Variants in STK25 observed in about 807,000 individuals in gnomAD.
STK25 encodes the protein serine/threonine-protein kinase 25.
A neutral mutation model predicts 53.8 loss-of-function variants in STK25; 29 were observed. That is an observed-to-expected ratio of 0.54 (90% CI 0.40 to 0.74). The LOEUF (loss-of-function observed/expected upper bound fraction) is 0.74, where lower values mean the gene tolerates loss of function less well. Among genes scored for constraint, STK25 ranks in the 30% least tolerant of loss-of-function variants. The pLI, the probability that STK25 is intolerant of heterozygous loss-of-function variation, is 0.00. For missense variants in STK25, 420 were observed against 568.0 expected (o/e 0.74, Z 2.65); for synonymous variants, 247 against 238.3 (o/e 1.04, Z -0.33).
Position 241,498,724 on chromosome 2 carries a change from A to C in STK25, c.832T>G (p.Ser278Ala). 4 of 1,614,102 alleles carry C rather than the reference A, an allele frequency of 2.5e-6. No homozygotes were observed. Among genetic ancestry groups the C allele is most frequent in the Non-Finnish European group, 3.4e-6 (4 of 1,180,020 alleles). ...KFITRYTKKT[S>A]FLTELIDRYK... ...CGGTCGATGAGCTCCGTGAGGAAGG[A>C]GGTCTTCTTGGTGTAGCGTGTGATG... Residue 278 changes from serine (S) to alanine (A), a missense_variant, in exon 8 of 12, where the codon TCC becomes GCC. Transcript: ENST00000316586.
rs747615211 is a variant in STK25, at chr2:241,501,423, T to C, written c.261+55A>G. The C allele has an allele frequency of 4.4e-5, 69 of 1,552,190 alleles. 1 individual carries two copies. The East Asian group carries it at 1.5e-3, about 34-fold the overall frequency. The stretch of plus-strand genomic sequence containing the variant: ...GGCATGTCACTCAGTCCCTCTGACA[T>C]GGAAGAGAGCCGGGCACAGCACCAG... On this transcript the variant is annotated intron_variant, in intron 3 of 11. Coordinates refer to ENST00000316586, the MANE Select transcript of STK25 (RefSeq NM_001271977.2). The surrounding 1 kb of genome is among the most constrained non-coding windows in gnomAD (Gnocchi z 5.3).
chr2:241,504,774 T>C (rs896461201), intron 2 of STK25, among the ~76,000 whole-genome samples: 5 of 152,048 alleles, frequency 3.3e-5, no homozygotes, highest in African/African-American at 1.2e-4. Flanking sequence ...AAGCAGTCAG[T>C]GTTAAAATAT....
At chr2:241,498,100 C>T (rs1490439361) in intron 9 of STK25, 135 bp downstream of exon 9, 1 of 829,334 alleles carries the variant, frequency 1.2e-6, no homozygotes, top group African/African-American at 1.7e-5. Context: ...CCACAGTGGG[C>T]TTCAGACCAC....
At chr2:241,499,549 C>G (rs1299784342) in intron 5 of STK25, 135 bp from the exon 6 acceptor site, 2 of 1,212,728 alleles carry the variant, frequency 1.6e-6, no homozygotes, top group Non-Finnish European at 2.2e-6. Flanking sequence ...CTCAGCCCTC[C>G]TTGCCACTCT....
chr2:241,504,907 A>C (rs1574962178), intron 2 of STK25, among the ~76,000 whole-genome samples: 1 of 148,632 alleles, frequency 6.7e-6, no homozygotes. Context: ...GTTAAGAAGC[A>C]GCCCCTCTTC....
intron 2 of STK25, among the ~76,000 whole-genome samples, chr2:241,505,545 T>TACTCCCTGCTCC (rs1408117228): frequency 2.0e-5 from 3 of 152,192 alleles, no homozygotes; most frequent in Non-Finnish European, 4.4e-5. Flanking sequence ...CGCCCTGCTC[T>TACTCCCTGCTCC]ACTCCCTGCT....
At position 241,496,371 on chromosome 2, in the gene STK25, C is replaced by G. The variant is rs760060246; in HGVS notation, c.1241+27G>C. On this transcript the variant is annotated intron_variant, in intron 11 of 11. Transcript: ENST00000316586. The surrounding 1 kb of genome is among the most constrained non-coding windows in gnomAD (Gnocchi z 5.8). ...CAGCTTCTTGGTGGGGGTGCTCTCC[C>G]CGACCCTATGGCACGGCCGCCCTCA... is the stretch of plus-strand genomic sequence containing the variant. The G allele has an allele frequency of 6.2e-7, 1 of 1,603,966 alleles. No individual in the cohort carries two copies. The highest frequency in any genetic ancestry group is 1.3e-5 in the African/African-American group (1 of 74,712).
chr2:241,503,625 A>G (rs371833568), intron 2 of STK25, among the ~76,000 whole-genome samples: 1 of 150,228 alleles, frequency 6.7e-6, no homozygotes, highest in Admixed American at 6.6e-5. Context: ...AGGCAGGATA[A>G]TATCATGAAC....
intron 9 of STK25, 63 bp from the exon 10 acceptor site, chr2:241,497,750 T>C: frequency 6.8e-7 from 1 of 1,480,468 alleles, no homozygotes; most frequent in South Asian, 1.1e-5. Flanking sequence ...GGCACTCCCA[T>C]CCCTGCCCAG....
In STK25 at chr2:241,498,325, C is replaced by T. The variant is rs1461796408; in HGVS notation, c.942G>A (p.Glu314=). The T allele has an allele frequency of 6.2e-7, 1 of 1,600,078 alleles. No homozygotes were observed. The highest frequency in any genetic ancestry group is 8.5e-7 in the Non-Finnish European group (1 of 1,170,478). ...SDIDGEAEDG[E]QGPIWTFPPT... Reference sequence around the variant, plus strand: ...GGGGGAACGTCCAGATGGGGCCCTGCTCCCCGTCCTCCGCCTCGCCATCAC... The same window carrying T: ...GGGGGAACGTCCAGATGGGGCCCTGTTCCCCGTCCTCCGCCTCGCCATCAC... Residue 314 remains glutamate (E), a synonymous_variant, in exon 9 of 12, where the codon GAG becomes GAA. Transcript: ENST00000316586.
intron 11 of STK25, among the ~76,000 whole-genome samples, 168 bp from the exon 12 acceptor site, chr2:241,495,869 G>C (rs1043133181): frequency 1.3e-5 from 2 of 152,228 alleles, no homozygotes; most frequent in Non-Finnish European, 2.9e-5. Flanking sequence ...GACTGGCCCA[G>C]ACCCCACCCC....
At chr2:241,506,544 G>A (rs1559845185) in intron 2 of STK25, among the ~76,000 whole-genome samples, 1 of 152,192 alleles carries the variant, frequency 6.6e-6, no homozygotes, top group Non-Finnish European at 1.5e-5. Context: ...AGGGCAAGCA[G>A]ATCACCTGAG....
upstream of STK25, chr2:241,508,606 G>C (rs568990772): frequency 4.1e-6 from 4 of 987,104 alleles, no homozygotes; most frequent in African/African-American, 7.0e-5. Flanking sequence ...GGCGAGGGCG[G>C]TGCTCGGCGT....
At chr2:241,498,617 T>C (rs748249114) in intron 8 of STK25, 22 bp downstream of exon 8, 1 of 1,603,512 alleles carries the variant, frequency 6.2e-7, no homozygotes, top group Non-Finnish European at 8.5e-7. Context: ...AGGGTCACCA[T>C]GAGGATAAAC....
At chr2:241,503,262 A>G (rs1323650362) in intron 2 of STK25, among the ~76,000 whole-genome samples, 2 of 151,616 alleles carry the variant, frequency 1.3e-5, no homozygotes, top group Non-Finnish European at 2.9e-5. Context: ...ATAAGGTTTC[A>G]CCATGTTGGC....
chr2:241,505,810 C>T (rs561026870), intron 2 of STK25, among the ~76,000 whole-genome samples: 1 of 152,334 alleles, frequency 6.6e-6, no homozygotes, highest in Admixed American at 6.5e-5. Flanking sequence ...TCCCCACCCC[C>T]ACCTGGAGAA....
rs1418305061 is a variant in STK25 at position 241,498,667 on chromosome 2, C to T, written c.889G>A (p.Glu297Lys). 1.9e-6 allele frequency: 3 copies of T among 1,613,892 alleles called. No homozygotes were observed. The highest frequency in any genetic ancestry group is 2.2e-5 in the East Asian group (1 of 44,894). ...TCAGAGTCCTCAGAGCTGGACTCCTCGCCATGCCCCTCTGACTTCCAGCGC... is the reference window on the plus strand; with the variant it reads ...TCAGAGTCCTCAGAGCTGGACTCCTTGCCATGCCCCTCTGACTTCCAGCGC... ...YKRWKSEGHG[E>K]ESSSEDSDID... Residue 297 changes from glutamate to lysine, a missense_variant, in exon 8 of 12, where the codon GAG (glutamate) becomes AAG (lysine). Transcript: ENST00000316586.
At position 241,494,149 on chromosome 2, in the gene STK25, C is replaced by CACA. The variant is rs2065039744; in HGVS notation, c.*1510_*1512dup. The CACA allele has an allele frequency of 1.4e-6, 2 of 1,388,066 alleles. No individual in the cohort carries two copies. Among genetic ancestry groups the CACA allele is most frequent in the South Asian group, 1.6e-5 (1 of 63,876 alleles). 86.0% of individuals were successfully genotyped at this position (1,388,066 alleles called of 1,614,324 possible). A position where few individuals can be genotyped will look rare whatever the true frequency, so the allele number is the denominator to read the frequency against. On this transcript the variant is annotated 3_prime_UTR_variant, in exon 12 of 12. Transcript: ENST00000316586. The surrounding 1 kb of genome is among the most constrained non-coding windows in gnomAD (Gnocchi z 4.9). ...GACGCTCAACCTGCCCAGGTTTGGA[C>CACA]ACAACTACAAAGAACAGCAGGACAC...
At chr2:241,495,986 GA>G (rs1290624041) in intron 11 of STK25, among the ~76,000 whole-genome samples, 1 of 152,234 alleles carries the variant, frequency 6.6e-6, no homozygotes, top group Non-Finnish European at 1.5e-5. Context: ...TTGGGCGGTG[GA>G]GGGCCCAGCA....
Sources: gnomAD v4.1 joint callset for allele counts (sites outside exome capture counted in the v4.1 genomes callset) on GRCh38, gnomAD v4.1.1 for gene constraint, Gnocchi (gnomAD v3.1) non-coding constraint, MANE v1.5 for transcripts, NCBI Gene and HGNC (gene_info 2026-07-23, HGNC 2026-07-21) for gene names.